The following NEMP2 variants were observed in gnomAD, a reference collection of about 807,000 sequenced individuals.
The protein encoded by NEMP2 is UPF0571 transmembrane protein.
Under a neutral mutation model 54.2 loss-of-function variants are expected in NEMP2, and 53 were observed. The ratio of observed to expected loss-of-function variants is 0.98; its 90% CI spans 0.78 to 1.23. The LOEUF is 1.23. Ranked by LOEUF, NEMP2 falls within the 50% of genes most tolerant of loss-of-function variation. The pLI is 0.00. For synonymous variants in NEMP2, 197 were observed against 190.3 expected, an observed-to-expected ratio of 1.04 and a Z score of -0.29; for missense variants, 455 against 511.3, an observed-to-expected ratio of 0.89 and a Z score of 1.06.
chr2:190,467,002 C>G, the NEMP2 span, among the ~76,000 whole-genome samples: 1 of 152,208 alleles, frequency 6.6e-6, no homozygotes, highest in Non-Finnish European at 1.5e-5. The surrounding 1 kb of genome is among the most constrained non-coding windows in gnomAD (Gnocchi z 5.5). Context: ...GAGTTTTGGA[C>G]TATGGCCTGG....
the NEMP2 span, among the ~76,000 whole-genome samples, chr2:190,426,878 C>T: frequency 6.6e-6 from 1 of 152,234 alleles, no homozygotes; most frequent in African/African-American, 2.4e-5. The surrounding 1 kb of genome is among the most constrained non-coding windows in gnomAD (Gnocchi z 4.7). Flanking sequence ...TCTGAAACTG[C>T]TCTGGCAAGA....
At chr2:190,458,055 C>T in the NEMP2 span, among the ~76,000 whole-genome samples, 1 of 152,120 alleles carries the variant, frequency 6.6e-6, no homozygotes, top group Non-Finnish European at 1.5e-5. This position sits in a 1 kb window ranked among gnomAD's most constrained non-coding sequence, Gnocchi z 5.3. Context: ...GAGGAAGCTG[C>T]CAGCGGTGTC....
chr2:190,436,385 C>T, the NEMP2 span: 1 of 1,614,170 alleles, frequency 6.2e-7, no homozygotes, highest in Non-Finnish European at 8.5e-7. This position sits in a 1 kb window ranked among gnomAD's most constrained non-coding sequence, Gnocchi z 5.3. Context: ...TGCAGTGCCC[C>T]CTTTTGGGGT....
intron 6 of NEMP2, 24 bp downstream of exon 6, chr2:190,516,246 C>A: frequency 6.7e-7 from 1 of 1,485,482 alleles, no homozygotes; most frequent in Middle Eastern, 1.7e-4. Context: ...AATCACAGAG[C>A]ATATTGTTTT....
chr2:190,457,958 A>T, the NEMP2 span, among the ~76,000 whole-genome samples: 1 of 152,222 alleles, frequency 6.6e-6, no homozygotes, highest in Non-Finnish European at 1.5e-5. The surrounding 1 kb of genome is among the most constrained non-coding windows in gnomAD (Gnocchi z 5.1). Flanking sequence ...GAAATAAAGT[A>T]AATGAGTAAA....
chr2:190,554,802 CT>C, the NEMP2 span, among the ~76,000 whole-genome samples: 1 of 152,240 alleles, frequency 6.6e-6, no homozygotes, highest in South Asian at 2.1e-4. This position sits in a 1 kb window ranked among gnomAD's most constrained non-coding sequence, Gnocchi z 5.7. Flanking sequence ...AGTGTTCAGG[CT>C]CCGATAAGGG....
the NEMP2 span, among the ~76,000 whole-genome samples, chr2:190,597,275 A>G: frequency 6.6e-6 from 1 of 151,768 alleles, no homozygotes; most frequent in Non-Finnish European, 1.5e-5. The surrounding 1 kb of genome is among the most constrained non-coding windows in gnomAD (Gnocchi z 4.7). Context: ...AAAAAAAAAA[A>G]AGCTTTCTAA....
At chr2:190,552,460 A>T in the NEMP2 span, among the ~76,000 whole-genome samples, 2 of 152,198 alleles carry the variant, frequency 1.3e-5, no homozygotes, top group African/African-American at 4.8e-5. Context: ...TGGCTGGTCA[A>T]GGTGGCTCCT....
the NEMP2 span, among the ~76,000 whole-genome samples, chr2:190,581,611 G>A: frequency 6.6e-6 from 1 of 152,134 alleles, no homozygotes; most frequent in Admixed American, 6.5e-5. Context: ...CTTTTCTTAT[G>A]TATTGCTTTG....
the NEMP2 span, among the ~76,000 whole-genome samples, chr2:190,455,122 GT>G: frequency 1.3e-5 from 2 of 151,986 alleles, no homozygotes; most frequent in Non-Finnish European, 2.9e-5. Flanking sequence ...TTTAGCCCAG[GT>G]TGTCTAGTTT....
the NEMP2 span, among the ~76,000 whole-genome samples, chr2:190,620,721 C>T: frequency 6.6e-6 from 1 of 152,184 alleles, no homozygotes; most frequent in Admixed American, 6.5e-5. The surrounding 1 kb of genome is among the most constrained non-coding windows in gnomAD (Gnocchi z 4.9). Context: ...AGAAGGCCCA[C>T]TCTTGTTACT....
chr2:190,572,529 A>G, the NEMP2 span, among the ~76,000 whole-genome samples: 4 of 152,138 alleles, frequency 2.6e-5, no homozygotes, highest in African/African-American at 9.7e-5. Flanking sequence ...CCTGGTAGGT[A>G]GGAACTCTAT....
At chr2:190,436,239 T>C in the NEMP2 span, 1 of 1,614,066 alleles carries the variant, frequency 6.2e-7, no homozygotes, top group Non-Finnish European at 8.5e-7. The surrounding 1 kb of genome is among the most constrained non-coding windows in gnomAD (Gnocchi z 5.3). Context: ...ATCTTCTAAT[T>C]TCCAAGGTCT....
At chr2:190,556,062 G>T in the NEMP2 span, among the ~76,000 whole-genome samples, 2 of 152,180 alleles carry the variant, frequency 1.3e-5, no homozygotes, top group Non-Finnish European at 2.9e-5. Flanking sequence ...GATGAACATT[G>T]ATGCGAAAAT....
chr2:190,494,936 G>T, the NEMP2 span, among the ~76,000 whole-genome samples: 1 of 152,106 alleles, frequency 6.6e-6, no homozygotes, highest in Admixed American at 6.5e-5. The surrounding 1 kb of genome is among the most constrained non-coding windows in gnomAD (Gnocchi z 5.7). Context: ...CTGAAAATTG[G>T]AACAAGACAA....
chr2:190,473,823 C>A, the NEMP2 span, among the ~76,000 whole-genome samples: 1 of 152,198 alleles, frequency 6.6e-6, no homozygotes, highest in Non-Finnish European at 1.5e-5. Context: ...AAGTAAAGCA[C>A]TCCTCAGCAA....
In NEMP2 at chr2:190,514,115, G is replaced by A. The variant is rs1559157303; in HGVS notation, c.953+338C>T. ...CATAAGCACAGCTGATACCACTAAAGCAGTCTTTGACTCTAATTAAAGAAA... is the reference window on the plus strand; with the variant it reads ...CATAAGCACAGCTGATACCACTAAAACAGTCTTTGACTCTAATTAAAGAAA... On this transcript the variant is annotated intron_variant, in intron 7 of 8. Coordinates refer to ENST00000409150, the MANE Select transcript of NEMP2 (RefSeq NM_001142645.2). This position sits in a 1 kb window ranked among gnomAD's most constrained non-coding sequence, Gnocchi z 5.7. Among the ~76,000 whole-genome samples the A allele has an allele frequency of 6.6e-6, 1 of 152,164 alleles. No individual in the cohort carries two copies. Among genetic ancestry groups the A allele is most frequent in the Non-Finnish European group, 1.5e-5 (1 of 68,022 alleles).
chr2:190,442,464 T>C, the NEMP2 span: 16 of 152,096 alleles, frequency 1.1e-4, no homozygotes, highest in African/African-American at 3.9e-4. Flanking sequence ...GATTTTCATA[T>C]GTTCCTCCCT....
the NEMP2 span, among the ~76,000 whole-genome samples, chr2:190,570,901 T>C: frequency 6.6e-6 from 1 of 152,244 alleles, no homozygotes; most frequent in Admixed American, 6.5e-5. This position sits in a 1 kb window ranked among gnomAD's most constrained non-coding sequence, Gnocchi z 5.4. Context: ...AGTCATTTTA[T>C]ATATACTGCT....
Sources: gnomAD v4.1 joint callset for allele counts (sites outside exome capture counted in the v4.1 genomes callset) on GRCh38, gnomAD v4.1.1 for gene constraint, Gnocchi (gnomAD v3.1) non-coding constraint, MANE v1.5 for transcripts, NCBI Gene and HGNC (gene_info 2026-07-23, HGNC 2026-07-21) for gene names.